Variants in STOX2 observed in about 807,000 individuals in gnomAD.
STOX2 encodes storkhead-box protein 2.
Under a neutral mutation model 60.9 loss-of-function variants are expected in STOX2, and 28 were observed. The ratio of observed to expected loss-of-function variants is 0.46; its 90% CI spans 0.34 to 0.63. The LOEUF (loss-of-function observed/expected upper bound fraction) is 0.63, where lower values mean the gene tolerates loss of function less well. Among genes scored for constraint, STOX2 ranks in the 30% least tolerant of loss-of-function variants. The pLI, the probability that STOX2 is intolerant of heterozygous loss-of-function variation, is 0.01. For missense variants in STOX2, 1,024 were observed against 1,187.7 expected (o/e 0.86, Z 2.03); for synonymous variants, 472 against 463.9 (o/e 1.02, Z -0.22).
rs370894532 is a variant in STOX2, at chr4:184,009,900, C to A, written c.1062C>A (p.Ser354Arg). ...RSKAGSSAHH[S>R]GRSKKSRTHR... ...AAGCCGGGTCCTCTGCCCATCACAGCGGAAGGAGTAAAAAGAGTAGGACTC... is the reference window on the plus strand; with the variant it reads ...AAGCCGGGTCCTCTGCCCATCACAGAGGAAGGAGTAAAAAGAGTAGGACTC... The change falls in exon 3 of 4, where the codon AGC becomes AGA. Residue 354 changes from serine (S) to arginine (R), a missense_variant. Around this residue, in one of 3 missense-constraint regions of STOX2, gnomAD observed 922 missense variants for 1,058.3 expected, o/e 0.87. Coordinates refer to ENST00000308497, the MANE Select transcript of STOX2 (RefSeq NM_020225.3). The surrounding 1 kb of genome is among the most constrained non-coding windows in gnomAD (Gnocchi z 4.0). The A allele has an allele frequency of 6.2e-7, 1 of 1,612,168 alleles. No individual in the cohort carries two copies. The highest frequency in any genetic ancestry group is 1.7e-5 in the Admixed American group (1 of 59,794).
intron 1 of STOX2, among the ~76,000 whole-genome samples, chr4:183,898,431 C>A (rs997598214): frequency 1.2e-4 from 18 of 152,240 alleles, no homozygotes; most frequent in African/African-American, 4.1e-4. Flanking sequence ...GTGGAATGAG[C>A]AGCTTGAGTT....
rs537978075 is a variant in STOX2 at position 183,886,350 on chromosome 4, G to A, written c.364+88295G>A. 1.2e-3 allele frequency among the ~76,000 whole-genome samples: 55 copies of A among 44,226 alleles called. 1 individual carries two copies. The highest frequency in any genetic ancestry group is 2.3e-3 in the African/African-American group (52 of 23,040). The allele number at this position is 44,226 out of a possible 152,430, so 29.0% of individuals were successfully genotyped here. A position where few individuals can be genotyped will look rare whatever the true frequency, so the allele number is the denominator to read the frequency against. ...GTCACTAGGATTGCACAACAGAAAG[G>A]GGGGGGAATGAGGAAAGGCCTCCTT... is the stretch of plus-strand genomic sequence containing the variant. On this transcript the variant is annotated intron_variant, in intron 1 of 2. Coordinates refer to the STOX2 transcript ENST00000513034.
Position 184,010,578 on chromosome 4 carries a change from G to C in STOX2, c.1740G>C (p.Glu580Asp). The C allele has an allele frequency of 4.3e-6, 7 of 1,613,952 alleles. No homozygotes were observed. Among genetic ancestry groups the C allele is most frequent in the Non-Finnish European group, 5.1e-6 (6 of 1,179,876 alleles). The change falls in exon 3 of 4, where the codon GAG becomes GAC. Residue 580 changes from glutamate (E) to aspartate (D), a missense_variant. Physicochemically the swap from Glu to Asp is conservative, Grantham distance 45. Transcript: ENST00000308497. The surrounding 1 kb of genome is among the most constrained non-coding windows in gnomAD (Gnocchi z 4.5). ...CSLLEPGKPP[E>D]SLPSYGELNS... is the part of the protein sequence containing the mutation. ...TTTTGGAGCCAGGAAAACCACCCGA[G>C]AGTTTGCCATCCTATGGCGAACTCA...
intron 1 of STOX2, among the ~76,000 whole-genome samples, chr4:183,926,141 T>A (rs1343458518): frequency 6.6e-6 from 1 of 152,150 alleles, no homozygotes; most frequent in Non-Finnish European, 1.5e-5. Context: ...AACAGATGTG[T>A]TTTTAAAATT....
intron 1 of STOX2, among the ~76,000 whole-genome samples, chr4:183,966,665 G>A (rs932058965): frequency 1.1e-4 from 17 of 152,212 alleles, no homozygotes; most frequent in African/African-American, 3.6e-4. Flanking sequence ...ACAAGGAGGC[G>A]TGCAATTTAG....
intron 1 of STOX2, among the ~76,000 whole-genome samples, chr4:183,913,473 A>G (rs1741841252): frequency 6.6e-6 from 1 of 152,062 alleles, no homozygotes; most frequent in Admixed American, 6.6e-5. Flanking sequence ...GACGACGGCC[A>G]TAGAACAGTG....
intron 3 of STOX2, among the ~76,000 whole-genome samples, chr4:184,013,486 T>C (rs1402603097): frequency 6.6e-6 from 1 of 152,224 alleles, no homozygotes; most frequent in Non-Finnish European, 1.5e-5. Context: ...CCCACTAATA[T>C]TAAGTAGAAT....
At chr4:183,944,246 G>A (rs1560896222) in intron 1 of STOX2, among the ~76,000 whole-genome samples, 1 of 152,330 alleles carries the variant, frequency 6.6e-6, no homozygotes, top group Admixed American at 6.5e-5. Context: ...AGCCAGGGCT[G>A]CCCTACTCCT....
intron 1 of STOX2, among the ~76,000 whole-genome samples, chr4:183,811,487 G>T (rs6552708): frequency 0.27 from 40,546 of 152,046 alleles, 6,265 homozygotes; most frequent in African/African-American, 0.43. Flanking sequence ...ACAAGTTTTG[G>T]TTTTTGTCAC....
intron 1 of STOX2, among the ~76,000 whole-genome samples, chr4:183,974,072 T>C (rs1732342305): frequency 6.6e-6 from 1 of 152,170 alleles, no homozygotes; most frequent in Admixed American, 6.5e-5. Flanking sequence ...GTAACACATA[T>C]GAGAATTGTA....
At chr4:183,840,712 A>T (rs1364890998) in intron 1 of STOX2, among the ~76,000 whole-genome samples, 1 of 152,232 alleles carries the variant, frequency 6.6e-6, no homozygotes, top group Non-Finnish European at 1.5e-5. Flanking sequence ...AGCTTAGCTC[A>T]TATGCATATT....
At chr4:183,820,975 T>A (rs2111110494) in intron 1 of STOX2, among the ~76,000 whole-genome samples, 1 of 151,278 alleles carries the variant, frequency 6.6e-6, no homozygotes, top group East Asian at 1.9e-4. Context: ...AGTGTGGTGG[T>A]GAACACCTGT....
intron 1 of STOX2, among the ~76,000 whole-genome samples, chr4:183,919,495 G>C (rs1356643146): frequency 6.6e-6 from 1 of 152,196 alleles, no homozygotes; most frequent in Non-Finnish European, 1.5e-5. Flanking sequence ...CACAGTCTGA[G>C]AGCATGCTTC....
rs191831851 is a variant in STOX2 at position 183,954,101 on chromosome 4, T to C, written c.166+47145T>C. ...AATTTCTTTAGTCCTTGATAAAAACTAATTTTTGTAATTAATGCTTCTTTA... is the reference window on the plus strand; with the variant it reads ...AATTTCTTTAGTCCTTGATAAAAACCAATTTTTGTAATTAATGCTTCTTTA... On this transcript the variant is annotated intron_variant, in intron 1 of 3. Transcript: ENST00000308497. Among the ~76,000 whole-genome samples the C allele has an allele frequency of 2.1e-3, 316 of 152,260 alleles. 1 individual carries two copies. Among genetic ancestry groups the C allele is most frequent in the African/African-American group, 7.0e-3 (291 of 41,556 alleles).
At position 183,938,119 on chromosome 4, in the gene STOX2, A is replaced by G. The variant is rs1293709231; in HGVS notation, c.166+31163A>G. 2.0e-5 allele frequency among the ~76,000 whole-genome samples: 3 copies of G among 152,166 alleles called. No homozygotes were observed. In the East Asian group the frequency reaches 5.8e-4, roughly 29 times the overall value. ...AGCTGTGATTGCGCCACTGCACTCC[A>G]TCCTGAGCGACAGAATGAGACCCTG... is the stretch of plus-strand genomic sequence containing the variant. On this transcript the variant is annotated intron_variant, in intron 1 of 3. Transcript: ENST00000308497.
intron 1 of STOX2, among the ~76,000 whole-genome samples, chr4:183,951,322 A>G (rs1177716248): frequency 6.6e-6 from 1 of 151,862 alleles, no homozygotes; most frequent in Non-Finnish European, 1.5e-5. Context: ...AGTGTGGAGA[A>G]AGGATTTGGG....
At chr4:183,805,256 T>C (rs1299302561) in intron 1 of STOX2, among the ~76,000 whole-genome samples, 1 of 152,262 alleles carries the variant, frequency 6.6e-6, no homozygotes, top group Non-Finnish European at 1.5e-5. Context: ...ATTGTACTTG[T>C]ATCCTTCTAC....
chr4:184,009,316 T>C lies in STOX2; in HGVS notation c.478T>C (p.Leu160=), dbSNP rs775392268. ...LIRTNSKWYH[L]DERIPDRSQC... is the part of the protein sequence containing the mutation. ...AAGAACTAACAGTAAATGGTACCAT[T>C]TGGACGAGAGGATACCTGACCGGTC... is the stretch of plus-strand genomic sequence containing the variant. The change falls in exon 3 of 4, where the codon TTG becomes CTG. Residue 160 remains leucine, a synonymous_variant. Coordinates refer to ENST00000308497, the MANE Select transcript of STOX2 (RefSeq NM_020225.3). This position sits in a 1 kb window ranked among gnomAD's most constrained non-coding sequence, Gnocchi z 4.0. 1.2e-6 allele frequency: 2 copies of C among 1,613,928 alleles called. No homozygotes were observed. The highest frequency in any genetic ancestry group is 1.1e-5 in the South Asian group (1 of 91,078).
intron 1 of STOX2, among the ~76,000 whole-genome samples, chr4:183,955,568 C>T (rs1743222088): frequency 6.6e-6 from 1 of 152,156 alleles, no homozygotes; most frequent in Non-Finnish European, 1.5e-5. Context: ...TGGCTAACAG[C>T]TGATATCTGG....
Sources: gnomAD v4.1 joint callset for allele counts (sites outside exome capture counted in the v4.1 genomes callset) on GRCh38, gnomAD v4.1.1 for gene constraint, gnomAD v4.1.1 regional missense constraint, Gnocchi (gnomAD v3.1) non-coding constraint, MANE v1.5 for transcripts, NCBI Gene and HGNC (gene_info 2026-07-23, HGNC 2026-07-21) for gene names.